Variants in TNR observed in about 807,000 individuals in gnomAD.
TNR encodes the protein tenascin R, also known as tenascin-R.
In TNR, 45 loss-of-function variants were observed where a neutral mutation model predicts 150.4. The observed-to-expected ratio is 0.30, with a 90% CI of 0.24 to 0.38. TNR has a LOEUF of 0.38. Ranked by LOEUF, TNR falls within the 10% of genes least tolerant of loss-of-function variation. The pLI is 1.00. For synonymous variants in TNR, 687 were observed against 678.4 expected (o/e 1.01, Z -0.20); for missense variants, 1,544 against 1,759.1 (o/e 0.88, Z 2.19).
intron 18 of TNR, among the ~76,000 whole-genome samples, chr1:175,348,887 A>T (rs562756673): frequency 3.3e-5 from 5 of 152,348 alleles, no homozygotes; most frequent in African/African-American, 9.6e-5. Flanking sequence ...AAATAATAAT[A>T]GCTAATATTT....
chr1:175,585,213 G>A (rs114594613), intron 1 of TNR, among the ~76,000 whole-genome samples: 3 of 152,186 alleles, frequency 2.0e-5, no homozygotes, highest in Non-Finnish European at 4.4e-5. Flanking sequence ...CAGAGGTATG[G>A]AAGATGGAGG....
At chr1:175,560,292 C>G (rs1661368267) in intron 1 of TNR, among the ~76,000 whole-genome samples, 1 of 152,230 alleles carries the variant, frequency 6.6e-6, no homozygotes, top group Admixed American at 6.5e-5. Flanking sequence ...ATCATGCTTT[C>G]TGCATCTTCA....
intron 2 of TNR, among the ~76,000 whole-genome samples, chr1:175,425,519 G>A (rs1654931245): frequency 2.0e-5 from 3 of 152,180 alleles, no homozygotes; most frequent in South Asian, 4.1e-4. Context: ...AGAAGTGTAT[G>A]ATATGACTCT....
intron 1 of TNR, among the ~76,000 whole-genome samples, chr1:175,696,217 GTTTT>G (rs5778870): frequency 1.1e-3 from 44 of 40,458 alleles, no homozygotes; most frequent in South Asian, 3.6e-3. Context: ...CCTTCCTGTA[GTTTT>G]TTTTTTTTTT....
intron 1 of TNR, among the ~76,000 whole-genome samples, chr1:175,626,481 T>A (rs1459199088): frequency 6.6e-6 from 1 of 152,180 alleles, no homozygotes; most frequent in Non-Finnish European, 1.5e-5. Context: ...CATAGCTACC[T>A]TCTTGGGTTG....
In TNR at chr1:175,331,059, T is replaced by TTCTTTCTTTCCTTC. The variant is rs1196632618; in HGVS notation, c.3632-825_3632-824insGAAGGAAAGAAAGA. On this transcript the variant is annotated intron_variant, in intron 20 of 22. Transcript: ENST00000367674. ...TTTCTTTCTTTCTTTCTTTCTTTCT[T>TTCTTTCTTTCCTTC]TCTTTCTTTCTTTCTTTCCTTCTTT... Among the ~76,000 whole-genome samples the TTCTTTCTTTCCTTC allele has an allele frequency of 7.6e-4, 93 of 121,830 alleles. 2 individuals are homozygous for TTCTTTCTTTCCTTC. Among genetic ancestry groups the TTCTTTCTTTCCTTC allele is most frequent in the South Asian group, 2.2e-3 (9 of 4,028 alleles). The allele number at this position is 121,830 out of a possible 152,430, so 79.9% of individuals were successfully genotyped here.
chr1:175,407,043 G>C (rs1306560479), intron 2 of TNR, among the ~76,000 whole-genome samples: 1 of 152,212 alleles, frequency 6.6e-6, no homozygotes, highest in Non-Finnish European at 1.5e-5. Context: ...CCCATGGTGG[G>C]CAAATGGTTC....
At chr1:175,343,821 C>T (rs1187302257) in intron 18 of TNR, among the ~76,000 whole-genome samples, 1 of 152,164 alleles carries the variant, frequency 6.6e-6, no homozygotes, top group Non-Finnish European at 1.5e-5. Flanking sequence ...TTAAAATAGG[C>T]CAGAGCAAGT....
intron 1 of TNR, among the ~76,000 whole-genome samples, chr1:175,700,910 G>A (rs184957171): frequency 3.9e-5 from 6 of 152,242 alleles, no homozygotes; most frequent in East Asian, 1.9e-4. Context: ...CAAAGCCTTC[G>A]TCCGCCTCCC....
intron 1 of TNR, among the ~76,000 whole-genome samples, chr1:175,604,434 G>T (rs1378298549): frequency 6.6e-6 from 1 of 152,186 alleles, no homozygotes; most frequent in East Asian, 1.9e-4. Flanking sequence ...TGTAGGCCTG[G>T]TCTCAGCCTT....
intron 2 of TNR, among the ~76,000 whole-genome samples, chr1:175,492,214 T>C (rs1009923373): frequency 6.6e-6 from 1 of 152,270 alleles, no homozygotes; most frequent in Admixed American, 6.5e-5. Context: ...CCCAAGTTTG[T>C]TTTGTCTATT....
chr1:175,620,016 G>T (rs1217689708), intron 1 of TNR, among the ~76,000 whole-genome samples: 2 of 152,218 alleles, frequency 1.3e-5, no homozygotes, highest in Non-Finnish European at 2.9e-5. Flanking sequence ...AATGGAAGGG[G>T]AGAATTAAAT....
chr1:175,526,487 C>T (rs1659851469), intron 2 of TNR, among the ~76,000 whole-genome samples: 1 of 152,176 alleles, frequency 6.6e-6, no homozygotes, highest in South Asian at 2.1e-4. Flanking sequence ...TATGGACACA[C>T]ACAAACCCAG....
intron 1 of TNR, among the ~76,000 whole-genome samples, chr1:175,542,048 T>G (rs1660520706): frequency 6.6e-6 from 1 of 152,026 alleles, no homozygotes; most frequent in African/African-American, 2.4e-5. Flanking sequence ...GGCACTAGGG[T>G]AAGACTGTGA....
intron 1 of TNR, among the ~76,000 whole-genome samples, chr1:175,649,760 G>A (rs757107129): frequency 1.5e-4 from 23 of 151,986 alleles, no homozygotes; most frequent in Non-Finnish European, 2.2e-4. Context: ...CTGAGTCTCC[G>A]TAGCACCTCA....
At chr1:175,490,133 C>G (rs1658181957) in intron 2 of TNR, among the ~76,000 whole-genome samples, 1 of 152,192 alleles carries the variant, frequency 6.6e-6, no homozygotes, top group South Asian at 2.1e-4. Context: ...AAAAGATTCC[C>G]TATTTAATAA....
intron 2 of TNR, among the ~76,000 whole-genome samples, chr1:175,423,019 C>G (rs1361762104): frequency 6.6e-6 from 1 of 152,182 alleles, no homozygotes; most frequent in Non-Finnish European, 1.5e-5. Context: ...ATCTGTCTCT[C>G]GTGCCACTTC....
At chr1:175,742,437 C>A (rs570883329) in intron 1 of TNR, among the ~76,000 whole-genome samples, 1 of 152,298 alleles carries the variant, frequency 6.6e-6, no homozygotes, top group East Asian at 1.9e-4. Flanking sequence ...TTTCCAACCA[C>A]CCATAGCCAA....
chr1:175,334,413 C>T (rs566169815), intron 20 of TNR, among the ~76,000 whole-genome samples: 13 of 152,316 alleles, frequency 8.5e-5, no homozygotes, highest in East Asian at 3.9e-4. Flanking sequence ...ATTAGGATTA[C>T]GGAGGGATTT....
Sources: allele counts gnomAD v4.1 joint callset (sites outside exome capture counted in the v4.1 genomes callset), GRCh38; gene constraint gnomAD v4.1.1; transcripts MANE v1.5; gene names NCBI Gene and HGNC (gene_info 2026-07-23, HGNC 2026-07-21).